FRAS1: variants seen among roughly 807,000 people sequenced by gnomAD.
FRAS1 encodes the protein extracellular matrix organizing protein FRAS1.
In FRAS1, 290 loss-of-function variants were observed where a neutral mutation model predicts 435.2. That is an observed-to-expected ratio of 0.67 (90% CI 0.61 to 0.73). The LOEUF is 0.73. Among genes scored for constraint, FRAS1 ranks in the 30% least tolerant of loss-of-function variants. The pLI, the probability that FRAS1 is intolerant of heterozygous loss-of-function variation, is 0.00. For synonymous variants in FRAS1, 1,800 were observed against 1,851.0 expected (o/e 0.97, Z 0.71); for missense variants, 4,860 against 5,001.5 (o/e 0.97, Z 0.85).
chr4:78,414,371 C>T lies in FRAS1; in HGVS notation c.4425+1286C>T, dbSNP rs75565817. Among the ~76,000 whole-genome samples the T allele has an allele frequency of 1.0e-2, 1,522 of 152,312 alleles. 8 individuals carry two copies. Among genetic ancestry groups the T allele is most frequent in the Non-Finnish European group, 0.014 (984 of 68,028 alleles). ...TTTCCTGTGCTGTCACTGTGGACCTCTGAAGAGACTTTTCAAGTCACTTAG... is the reference window on the plus strand; with the variant it reads ...TTTCCTGTGCTGTCACTGTGGACCTTTGAAGAGACTTTTCAAGTCACTTAG... On this transcript the variant is annotated intron_variant, in intron 32 of 73. Transcript: ENST00000512123.
intron 20 of FRAS1, among the ~76,000 whole-genome samples, chr4:78,345,898 C>T (rs1369669573): frequency 6.6e-6 from 1 of 151,800 alleles, no homozygotes; most frequent in Admixed American, 6.6e-5. Context: ...TTTTCTCCTT[C>T]ATGTGACATT....
At chr4:78,534,687 T>A in intron 71 of FRAS1, 72 bp downstream of exon 71, 1 of 1,438,052 alleles carries the variant, frequency 7.0e-7, no homozygotes, top group African/African-American at 1.4e-5. Context: ...GTCACCGGAC[T>A]GGCATCTCTG....
At chr4:78,124,990 C>G (rs1284405958) in intron 2 of FRAS1, among the ~76,000 whole-genome samples, 3 of 152,138 alleles carry the variant, frequency 2.0e-5, no homozygotes, top group Admixed American at 6.6e-5. Context: ...CTATCTCCTT[C>G]AGTTCTGCTC....
intron 18 of FRAS1, among the ~76,000 whole-genome samples, chr4:78,324,047 CT>C (rs1224021745): frequency 1.3e-5 from 2 of 152,112 alleles, no homozygotes; most frequent in Non-Finnish European, 2.9e-5. Flanking sequence ...AGAAGCAAAG[CT>C]TCTAATCAAA....
intron 18 of FRAS1, among the ~76,000 whole-genome samples, chr4:78,321,933 T>C (rs1729527126): frequency 6.6e-6 from 1 of 152,136 alleles, no homozygotes; most frequent in Non-Finnish European, 1.5e-5. Context: ...TTGAGTCCCT[T>C]GTAGCCCTGT....
At chr4:78,492,545 A>G (rs931874780) in intron 59 of FRAS1, among the ~76,000 whole-genome samples, 8 of 152,206 alleles carry the variant, frequency 5.3e-5, no homozygotes. Flanking sequence ...AGCAATGGGG[A>G]AAGGATTTCC....
chr4:78,218,240 C>T (rs1723887499), intron 2 of FRAS1, among the ~76,000 whole-genome samples: 1 of 150,656 alleles, frequency 6.6e-6, no homozygotes, highest in African/African-American at 2.4e-5. Flanking sequence ...TTGGAGAATA[C>T]ACACACAGAG....
Position 78,180,926 on chromosome 4 carries a change from G to A in FRAS1, c.109-56584G>A, listed in dbSNP as rs1460587048. On this transcript the variant is annotated intron_variant, in intron 2 of 73. Coordinates refer to ENST00000512123, the MANE Select transcript of FRAS1 (RefSeq NM_025074.7). ...CATCAGGAGCAGAAGTACTTGACTTGTCGGTCCTGCTGCCACGGTTTGGGC... is the reference window on the plus strand; with the variant it reads ...CATCAGGAGCAGAAGTACTTGACTTATCGGTCCTGCTGCCACGGTTTGGGC... 1.1e-5 allele frequency: 18 copies of A among 1,607,652 alleles called. No individual in the cohort carries two copies. In the South Asian group the frequency reaches 1.4e-4, roughly 13 times the overall value.
At chr4:78,221,310 T>C (rs1443467703) in intron 2 of FRAS1, among the ~76,000 whole-genome samples, 1 of 152,216 alleles carries the variant, frequency 6.6e-6, no homozygotes, top group Non-Finnish European at 1.5e-5. Flanking sequence ...CTGTAAAACA[T>C]CTTTACTTAT....
chr4:78,438,831 A>C, intron 39 of FRAS1, 71 bp from the exon 40 acceptor site: 1 of 1,516,790 alleles, frequency 6.6e-7, no homozygotes, highest in South Asian at 1.2e-5. Context: ...CCATTTTTAA[A>C]CAAAGATGCT....
chr4:78,463,336 AT>A (rs1454940421), intron 47 of FRAS1, among the ~76,000 whole-genome samples: 2 of 152,056 alleles, frequency 1.3e-5, no homozygotes, highest in African/African-American at 4.8e-5. Context: ...AGAAAAAATG[AT>A]TTTTTCTCTA....
At chr4:78,322,967 C>T (rs1337884900) in intron 18 of FRAS1, among the ~76,000 whole-genome samples, 1 of 152,184 alleles carries the variant, frequency 6.6e-6, no homozygotes, top group African/African-American at 2.4e-5. Flanking sequence ...GTAGCAGCAA[C>T]AAAACCCATG....
intron 18 of FRAS1, among the ~76,000 whole-genome samples, chr4:78,320,322 A>G (rs937223822): frequency 1.3e-5 from 2 of 152,224 alleles, no homozygotes; most frequent in African/African-American, 2.4e-5. Context: ...CCCAAGGCAC[A>G]TGCCACACAG....
At chr4:78,538,303 A>G (rs1205461840) in intron 72 of FRAS1, among the ~76,000 whole-genome samples, 1 of 152,248 alleles carries the variant, frequency 6.6e-6, no homozygotes, top group African/African-American at 2.4e-5. Context: ...TATAAGTCAC[A>G]TAAACAAAAA....
In FRAS1 at chr4:78,318,810, C is replaced by A. The variant is rs1479487877; in HGVS notation, c.1961C>A (p.Ala654Asp). 6.4e-7 allele frequency: 1 copy of A among 1,555,886 alleles called. No individual in the cohort carries two copies. The highest frequency in any genetic ancestry group is 8.7e-7 in the Non-Finnish European group (1 of 1,147,992). The change falls in exon 18 of 74, where the codon GCC (alanine) becomes GAC (aspartate). Residue 654 changes from alanine (A) to aspartate (D), a missense_variant and splice_region_variant. Physicochemically the swap from Ala to Asp is moderately radical, Grantham distance 126 (BLOSUM62 -2). Coordinates refer to ENST00000512123, the MANE Select transcript of FRAS1 (RefSeq NM_025074.7). ...GFYSDHGVCK[A>D]CHSSCLACMG... Reference sequence around the variant, plus strand: ...TTCTGCATTTTATTTCCATTTGCAGCCTGTCACTCCTCCTGCCTGGCTTGT... The same window carrying A: ...TTCTGCATTTTATTTCCATTTGCAGACTGTCACTCCTCCTGCCTGGCTTGT...
chr4:78,399,079 T>G (rs191150295), intron 29 of FRAS1, among the ~76,000 whole-genome samples: 225 of 152,112 alleles, frequency 1.5e-3, no homozygotes, highest in Admixed American at 2.9e-3. Flanking sequence ...ATATATAAAG[T>G]TTTTTTTACA....
At chr4:78,431,997 CATAAAGAAT>C (rs1734236373) in intron 37 of FRAS1, among the ~76,000 whole-genome samples, 1 of 152,078 alleles carries the variant, frequency 6.6e-6, no homozygotes, top group Admixed American at 6.5e-5. Flanking sequence ...AAAGAGCTGT[CATAAAGAAT>C]AGAGGCTTGT....
At position 78,245,400 on chromosome 4, in the gene FRAS1, G is replaced by A. The variant is rs1725188522; in HGVS notation, c.309+75G>A. 1.7e-5 allele frequency: 18 copies of A among 1,046,846 alleles called. 1 individual carries two copies. In the South Asian group the frequency reaches 2.5e-4, roughly 14 times the overall value. The allele number at this position is 1,046,846 out of a possible 1,614,324, so 64.8% of individuals were successfully genotyped here. A position where few individuals can be genotyped will look rare whatever the true frequency, so the allele number is the denominator to read the frequency against. On this transcript the variant is annotated intron_variant, in intron 4 of 73. Coordinates refer to ENST00000512123, the MANE Select transcript of FRAS1 (RefSeq NM_025074.7). Reference sequence around the variant, plus strand: ...AAGGGAAAAGCTGAATGTTAAACTTGTGTTGATGAGAGTTTTTTTCTTTGC... The same window carrying A: ...AAGGGAAAAGCTGAATGTTAAACTTATGTTGATGAGAGTTTTTTTCTTTGC...
intron 2 of FRAS1, among the ~76,000 whole-genome samples, chr4:78,180,125 A>G (rs1721937182): frequency 6.6e-6 from 1 of 152,208 alleles, no homozygotes. Flanking sequence ...AATTGAGCAT[A>G]TACAGTGTCT....
Sources: gnomAD v4.1 joint callset for allele counts (sites outside exome capture counted in the v4.1 genomes callset) on GRCh38, gnomAD v4.1.1 for gene constraint, MANE v1.5 for transcripts, NCBI Gene and HGNC (gene_info 2026-07-23, HGNC 2026-07-21) for gene names.